Variants in DNAL1 observed in about 807,000 individuals in gnomAD.
DNAL1 encodes the protein chromosome 14 open reading frame 168.
Under a neutral mutation model 29.4 loss-of-function variants are expected in DNAL1, and 17 were observed. The ratio of observed to expected loss-of-function variants is 0.58; its 90% CI spans 0.40 to 0.87. The LOEUF (loss-of-function observed/expected upper bound fraction) is 0.87. DNAL1 is among the 40% of genes least tolerant of loss of function. The probability of loss-of-function intolerance (pLI) is 0.00; values close to 1 mark genes in which losing one functional copy is unlikely to be tolerated. For synonymous variants in DNAL1, 78 were observed against 76.3 expected (o/e 1.02, Z -0.12); for missense variants, 188 against 214.1 (o/e 0.88, Z 0.76).
intron 5 of DNAL1, among the ~76,000 whole-genome samples, chr14:73,672,422 G>A (rs1415643606): frequency 1.3e-5 from 2 of 151,772 alleles, no homozygotes; most frequent in Non-Finnish European, 2.9e-5. Flanking sequence ...TGGCTACCAC[G>A]GTGAAACCCT....
intron 5 of DNAL1, among the ~76,000 whole-genome samples, chr14:73,684,747 T>A (rs569707023): frequency 2.0e-5 from 3 of 152,106 alleles, no homozygotes; most frequent in South Asian, 2.1e-4. Flanking sequence ...AAAATTTTTT[T>A]AAATTAGCCA....
At chr14:73,688,080 A>G (rs1160126024) in intron 6 of DNAL1, among the ~76,000 whole-genome samples, 1 of 152,208 alleles carries the variant, frequency 6.6e-6, no homozygotes, top group African/African-American at 2.4e-5. Flanking sequence ...CATGAAAAAA[A>G]TTTAAGCTAT....
At chr14:73,678,274 CTACTAGA>C (rs1353296613) in intron 5 of DNAL1, among the ~76,000 whole-genome samples, 1 of 151,956 alleles carries the variant, frequency 6.6e-6, no homozygotes, top group Non-Finnish European at 1.5e-5. Flanking sequence ...ACCTATTTTT[CTACTAGA>C]TTTATCTTTT....
intron 4 of DNAL1, among the ~76,000 whole-genome samples, chr14:73,670,979 G>A (rs985487987): frequency 2.4e-4 from 36 of 151,748 alleles, no homozygotes; most frequent in Middle Eastern, 3.4e-3. Context: ...CTCGTGATCC[G>A]CCCGCCTCAG....
intron 6 of DNAL1, among the ~76,000 whole-genome samples, chr14:73,687,601 G>A (rs1209469441): frequency 6.6e-6 from 1 of 152,154 alleles, no homozygotes. Context: ...GACCGGGCGC[G>A]GTGGCTCACG....
intron 5 of DNAL1, among the ~76,000 whole-genome samples, chr14:73,674,862 A>G (rs1424472320): frequency 2.0e-5 from 3 of 150,918 alleles, no homozygotes; most frequent in Admixed American, 1.3e-4. Context: ...TGGAGTAACT[A>G]TTTTTTTGAG....
At chr14:73,670,215 A>G (rs148218311) in intron 4 of DNAL1, among the ~76,000 whole-genome samples, 14 of 152,356 alleles carry the variant, frequency 9.2e-5, no homozygotes, top group African/African-American at 3.1e-4. Context: ...TTACCATTCA[A>G]TTATGGATGT....
chr14:73,671,221 C>G (rs1283488878), intron 4 of DNAL1, among the ~76,000 whole-genome samples: 3 of 151,942 alleles, frequency 2.0e-5, no homozygotes, highest in African/African-American at 7.3e-5. Context: ...TATATATGCT[C>G]CCAAACTCAA....
chr14:73,682,337 A>ATTTTTTTTTTTTTTTTTT (rs57403758), intron 5 of DNAL1, among the ~76,000 whole-genome samples: 1 of 93,416 alleles, frequency 1.1e-5, no homozygotes, highest in African/African-American at 4.2e-5. Flanking sequence ...TGCCTGGCTA[A>ATTTTTTTTTTTTTTTTTT]TTTTTTTTTT....
At position 73,683,958 on chromosome 14, in the gene DNAL1, C is replaced by T. The variant is rs1891953987; in HGVS notation, c.265-3301C>T. Among the ~76,000 whole-genome samples the T allele has an allele frequency of 2.6e-5, 4 of 152,238 alleles. No individual in the cohort carries two copies. The East Asian group carries it at 5.8e-4, about 22-fold the overall frequency. On this transcript the variant is annotated intron_variant, in intron 5 of 7. Coordinates refer to ENST00000553645, the MANE Select transcript of DNAL1 (RefSeq NM_031427.4). ...CTGGCCTCAAGTGATCCACCTACCTCGGCCTCCCAAAGTGCTGGGATTACA... is the reference window on the plus strand; with the variant it reads ...CTGGCCTCAAGTGATCCACCTACCTTGGCCTCCCAAAGTGCTGGGATTACA...
chr14:73,689,478 A>C lies in DNAL1; in HGVS notation c.495A>C (p.Glu165Asp), dbSNP rs1364293961. Residue 165 changes from glutamate (E) to aspartate (D), a missense_variant, in exon 7 of 8, where the codon GAA (glutamate) becomes GAC (aspartate). Physicochemically the swap from Glu to Asp is conservative, Grantham distance 45. Coordinates refer to ENST00000553645, the MANE Select transcript of DNAL1 (RefSeq NM_031427.4). ...CTGCTGAGAATAACTGGATTGAAGAAGCAACCAAGAGAGTGCCCAAACTGA... is the reference window on the plus strand; with the variant it reads ...CTGCTGAGAATAACTGGATTGAAGACGCAACCAAGAGAGTGCCCAAACTGA... ...KHSAENNWIE[E>D]ATKRVPKLKK... 8 of 1,583,790 alleles carry C rather than the reference A, an allele frequency of 5.1e-6. No homozygotes were observed. The highest frequency in any genetic ancestry group is 6.9e-6 in the Non-Finnish European group (8 of 1,164,616).
chr14:73,651,592 G>GT (rs1018388597), intron 1 of DNAL1, among the ~76,000 whole-genome samples: 1 of 152,098 alleles, frequency 6.6e-6, no homozygotes, highest in Admixed American at 6.6e-5. Context: ...ACACTTTTAT[G>GT]TTTTTTATAG....
intron 5 of DNAL1, among the ~76,000 whole-genome samples, chr14:73,681,633 A>AAT (rs71112793): frequency 0.04 from 1,410 of 35,010 alleles, 31 homozygotes; most frequent in East Asian, 0.086. Flanking sequence ...AAAAAAAAAA[A>AAT]ATATATATAT....
intron 4 of DNAL1, among the ~76,000 whole-genome samples, chr14:73,664,694 C>A (rs1021118110): frequency 4.0e-5 from 6 of 150,750 alleles, no homozygotes; most frequent in Admixed American, 2.0e-4. Context: ...CATAGCGAGA[C>A]CCCCATCTCT....
At chr14:73,691,221 TA>T (rs2140062298) in intron 7 of DNAL1, among the ~76,000 whole-genome samples, 1 of 152,292 alleles carries the variant, frequency 6.6e-6, no homozygotes, top group South Asian at 2.1e-4. Context: ...TAATCTACGC[TA>T]AACGTTGTGC....
chr14:73,656,636 G>A (rs1891222202), intron 2 of DNAL1, among the ~76,000 whole-genome samples: 1 of 151,960 alleles, frequency 6.6e-6, no homozygotes, highest in East Asian at 1.9e-4. Flanking sequence ...ATGTTGCCCA[G>A]GTTGGTCTTG....
intron 5 of DNAL1, among the ~76,000 whole-genome samples, chr14:73,671,944 C>T (rs1891623549): frequency 6.6e-6 from 1 of 152,148 alleles, no homozygotes; most frequent in Non-Finnish European, 1.5e-5. Context: ...GTGAATATTT[C>T]TTGTATCTGT....
At chr14:73,694,783 G>T (rs971878026) in intron 7 of DNAL1, among the ~76,000 whole-genome samples, 1 of 150,510 alleles carries the variant, frequency 6.6e-6, no homozygotes, top group Non-Finnish European at 1.5e-5. Context: ...TCCGCCTCCC[G>T]GGTTCAAGCG....
At position 73,672,607 on chromosome 14, in the gene DNAL1, C is replaced by CA. The variant is rs35746041; in HGVS notation, c.264+1029dup. Among the ~76,000 whole-genome samples, 102 of 75,246 alleles carry CA rather than the reference C, an allele frequency of 1.4e-3. 3 individuals are homozygous for CA. In the South Asian group the frequency reaches 0.025, roughly 18 times the overall value. 49.4% of individuals were successfully genotyped at this position (75,246 alleles called of 152,430 possible). The stretch of plus-strand genomic sequence containing the variant: ...TGGGTGACAGAGCGAGACTCTGTCT[C>CA]AAAAAAAAAAAAAAAAAAAGAAATT... On this transcript the variant is annotated intron_variant, in intron 5 of 7. Coordinates refer to ENST00000553645, the MANE Select transcript of DNAL1 (RefSeq NM_031427.4).
Sources: allele counts gnomAD v4.1 joint callset (sites outside exome capture counted in the v4.1 genomes callset), GRCh38; gene constraint gnomAD v4.1.1; transcripts MANE v1.5; gene names NCBI Gene and HGNC (gene_info 2026-07-23, HGNC 2026-07-21).